Variants in PALM2AKAP2 observed in about 807,000 individuals in gnomAD.
PALM2AKAP2 encodes the protein PALM2 and AKAP2 fusion, also known as PALM2-AKAP2 fusion protein.
PALM2AKAP2 carries 37 observed loss-of-function variants against 71.5 expected under a neutral mutation model. The ratio of observed to expected loss-of-function variants is 0.52; its 90% CI spans 0.40 to 0.68. The LOEUF is 0.68. Among genes scored for constraint, PALM2AKAP2 ranks in the 30% least tolerant of loss-of-function variants. PALM2AKAP2 has a pLI of 0.00. For missense variants in PALM2AKAP2, 1,224 were observed against 1,191.8 expected, an observed-to-expected ratio of 1.03 and a Z score of -0.40; for synonymous variants, 468 against 478.8, an observed-to-expected ratio of 0.98 and a Z score of 0.29.
intron 1 of PALM2AKAP2, among the ~76,000 whole-genome samples, chr9:109,837,882 G>T (rs1313829929): frequency 3.3e-5 from 5 of 152,130 alleles, no homozygotes. Context: ...CATAAAACAA[G>T]TCCTTAGAGA....
intron 1 of PALM2AKAP2, chr9:109,760,315 G>T (rs1180085242): frequency 1.3e-5 from 2 of 152,140 alleles, no homozygotes; most frequent in Non-Finnish European, 2.9e-5. Context: ...AAGAGGAAAA[G>T]GGAGGGAGAA....
chr9:109,922,350 A>G (rs1471748314), intron 3 of PALM2AKAP2, among the ~76,000 whole-genome samples: 1 of 141,120 alleles, frequency 7.1e-6, no homozygotes, highest in Non-Finnish European at 1.5e-5. Context: ...TGAGCCCAAG[A>G]GGTAGAGGCT....
At chr9:109,816,131 A>G (rs1827845193) in intron 1 of PALM2AKAP2, among the ~76,000 whole-genome samples, 1 of 152,214 alleles carries the variant, frequency 6.6e-6, no homozygotes, top group African/African-American at 2.4e-5. Context: ...GAGAGCTCAG[A>G]TAAGGTTGGA....
At chr9:110,100,051 C>CTCTATATATATATATATATATA (rs143442936) in intron 1 of PALM2AKAP2, among the ~76,000 whole-genome samples, 3 of 109,464 alleles carry the variant, frequency 2.7e-5, no homozygotes, top group Admixed American at 2.0e-4. Flanking sequence ...GTATGTGTGT[C>CTCTATATATATATATATATATA]TATATATATA....
intron 2 of PALM2AKAP2, 22 bp from the exon 9 acceptor site, chr9:110,156,297 T>A (rs780704953): frequency 7.8e-6 from 12 of 1,539,324 alleles, no homozygotes; most frequent in Non-Finnish European, 1.0e-5. Flanking sequence ...TTAGAAAGGG[T>A]ATTTTCTTCG....
intron 6 of PALM2AKAP2, among the ~76,000 whole-genome samples, chr9:109,957,412 A>G (rs898290809): frequency 1.3e-5 from 2 of 152,236 alleles, no homozygotes; most frequent in Non-Finnish European, 2.9e-5. Flanking sequence ...TCCCGCACAG[A>G]AGACTTCTTG....
intron 1 of PALM2AKAP2, among the ~76,000 whole-genome samples, chr9:109,855,744 C>T (rs939112977): frequency 1.3e-5 from 2 of 152,136 alleles, no homozygotes; most frequent in African/African-American, 4.8e-5. Context: ...GGATTAAATC[C>T]TCTTTCCTTA....
At chr9:109,970,491 G>A (rs911141710) in intron 6 of PALM2AKAP2, among the ~76,000 whole-genome samples, 8 of 152,130 alleles carry the variant, frequency 5.3e-5, no homozygotes, top group Non-Finnish European at 7.3e-5. Context: ...AGGGGTTAGG[G>A]TAGAAGCTGG....
intron 6 of PALM2AKAP2, among the ~76,000 whole-genome samples, chr9:109,953,644 T>G (rs971868049): frequency 6.6e-6 from 1 of 151,958 alleles, no homozygotes; most frequent in Non-Finnish European, 1.5e-5. Context: ...GAGACCATCC[T>G]GGCCAACATG....
At chr9:109,952,875 T>G (rs1831670994) in intron 6 of PALM2AKAP2, among the ~76,000 whole-genome samples, 1 of 152,156 alleles carries the variant, frequency 6.6e-6, no homozygotes, top group Admixed American at 6.5e-5. Context: ...ATCCCTAGTG[T>G]TGTTGTGAAG....
At chr9:109,856,845 T>G (rs1485712242) in intron 1 of PALM2AKAP2, among the ~76,000 whole-genome samples, 1 of 152,250 alleles carries the variant, frequency 6.6e-6, no homozygotes, top group African/African-American at 2.4e-5. Flanking sequence ...TTTGGAATTA[T>G]GCTAATTTCT....
intron 1 of PALM2AKAP2, among the ~76,000 whole-genome samples, chr9:109,658,500 G>A (rs953405250): frequency 3.3e-5 from 5 of 152,122 alleles, no homozygotes; most frequent in Admixed American, 1.3e-4. Context: ...ATGAGTGTCC[G>A]TACATAATAA....
In PALM2AKAP2 at chr9:109,880,656, A is replaced by G. The variant is rs1829825767; in HGVS notation, c.232A>G (p.Lys78Glu). Residue 78 changes from lysine (K) to glutamate (E), a missense_variant, in exon 3 of 10, where the codon AAG becomes GAG. Physicochemically the swap from Lys to Glu is moderately conservative, Grantham distance 56. Transcript: ENST00000302798. Reference sequence around the variant, plus strand: ...GTCTGAAGAGGATGAGTTCAGAGTCAAGCAACTTGAAGATAACATTCAGAG... The same window carrying G: ...GTCTGAAGAGGATGAGTTCAGAGTCGAGCAACTTGAAGATAACATTCAGAG... 2.5e-6 allele frequency: 4 copies of G among 1,613,990 alleles called. No homozygotes were observed. Among genetic ancestry groups the G allele is most frequent in the Non-Finnish European group, 3.4e-6 (4 of 1,179,918 alleles).
At chr9:110,048,858 G>C in intron 1 of PALM2AKAP2, 2 of 1,527,460 alleles carry the variant, frequency 1.3e-6, no homozygotes, top group Non-Finnish European at 1.7e-6. Flanking sequence ...GCCCAGAGGT[G>C]GGTGTCCAAG....
At chr9:109,998,463 T>C (rs1262335935) in intron 6 of PALM2AKAP2, among the ~76,000 whole-genome samples, 1 of 151,780 alleles carries the variant, frequency 6.6e-6, no homozygotes, top group Non-Finnish European at 1.5e-5. Flanking sequence ...CTGAGAAGGG[T>C]ATACCAAAGT....
In PALM2AKAP2 at chr9:109,931,807, C is replaced by T. The variant is rs1831107723; in HGVS notation, c.395-120C>T. 3.7e-6 allele frequency: 4 copies of T among 1,092,434 alleles called. No individual in the cohort carries two copies. The Admixed American group carries it at 5.6e-5, about 15-fold the overall frequency. 67.7% of individuals were successfully genotyped at this position (1,092,434 alleles called of 1,614,324 possible). A position where few individuals can be genotyped will look rare whatever the true frequency, so the allele number is the denominator to read the frequency against. ...GCTTGTCTTTGTTTACCCTGATCCT[C>T]CTGTTCAGTGGCCGCCTCAGCGGTC... On this transcript the variant is annotated intron_variant, in intron 5 of 9. Coordinates refer to the PALM2AKAP2 transcript ENST00000302798.
chr9:109,921,783 G>C (rs1830835852), intron 3 of PALM2AKAP2, among the ~76,000 whole-genome samples: 1 of 152,174 alleles, frequency 6.6e-6, no homozygotes. Flanking sequence ...GAGCTGATAG[G>C]TACTGGGAGG....
intron 3 of PALM2AKAP2, among the ~76,000 whole-genome samples, chr9:109,896,268 C>T (rs1474137366): frequency 6.6e-6 from 1 of 152,082 alleles, no homozygotes; most frequent in Non-Finnish European, 1.5e-5. Context: ...GTAACCACTC[C>T]CATGATTCAA....
chr9:110,111,448 AATG>A (rs1305510374), intron 1 of PALM2AKAP2, among the ~76,000 whole-genome samples: 1 of 152,160 alleles, frequency 6.6e-6, no homozygotes, highest in African/African-American at 2.4e-5. Flanking sequence ...ATGTTACTGA[AATG>A]ATGACATGCT....
Sources: gnomAD v4.1 joint callset for allele counts (sites outside exome capture counted in the v4.1 genomes callset) on GRCh38, gnomAD v4.1.1 for gene constraint, MANE v1.5 for transcripts, NCBI Gene and HGNC (gene_info 2026-07-23, HGNC 2026-07-21) for gene names.